The following PTPRG variants were observed in gnomAD, a reference collection of about 807,000 sequenced individuals.
PTPRG encodes the protein receptor-type tyrosine-protein phosphatase gamma.
PTPRG carries 102 observed loss-of-function variants against 165.3 expected under a neutral mutation model. The ratio of observed to expected loss-of-function variants is 0.62; its 90% CI spans 0.53 to 0.73. The LOEUF is 0.73. PTPRG is among the 30% of genes least tolerant of loss of function. The probability of loss-of-function intolerance (pLI) is 0.00; values close to 1 mark genes in which losing one functional copy is unlikely to be tolerated. For synonymous variants in PTPRG, 675 were observed against 669.5 expected, an observed-to-expected ratio of 1.01 and a Z score of -0.13; for missense variants, 1,866 against 1,861.4, an observed-to-expected ratio of 1.00 and a Z score of -0.05.
intron 10 of PTPRG, among the ~76,000 whole-genome samples, chr3:62,198,397 CAA>C (rs1259786545): frequency 6.6e-6 from 1 of 152,100 alleles, no homozygotes; most frequent in Non-Finnish European, 1.5e-5. Context: ...TGGCCCACCC[CAA>C]AGAGTAAAAA....
chr3:61,566,035 T>G (rs530630995), intron 1 of PTPRG, among the ~76,000 whole-genome samples: 1 of 152,130 alleles, frequency 6.6e-6, no homozygotes, highest in African/African-American at 2.4e-5. Flanking sequence ...TGGAATAAAA[T>G]CTTTGATGTT....
intron 2 of PTPRG, among the ~76,000 whole-genome samples, chr3:61,823,185 G>A (rs1345702647): frequency 6.6e-6 from 1 of 152,090 alleles, no homozygotes; most frequent in Non-Finnish European, 1.5e-5. Flanking sequence ...CAGTTGCACA[G>A]GTTTGTTTGT....
At chr3:62,143,871 T>C (rs1397359740) in intron 6 of PTPRG, among the ~76,000 whole-genome samples, 1 of 152,126 alleles carries the variant, frequency 6.6e-6, no homozygotes, top group East Asian at 1.9e-4. Context: ...CTTTCTGCCT[T>C]GTAAAATTAG....
intron 4 of PTPRG, among the ~76,000 whole-genome samples, chr3:62,009,005 A>G (rs1376613563): frequency 6.6e-6 from 1 of 152,222 alleles, no homozygotes; most frequent in Admixed American, 6.5e-5. Context: ...AAATTCATTA[A>G]TATTCCTATA....
intron 8 of PTPRG, among the ~76,000 whole-genome samples, chr3:62,191,117 A>G (rs1019981633): frequency 1.3e-5 from 2 of 150,440 alleles, no homozygotes; most frequent in Admixed American, 1.3e-4. Flanking sequence ...TGCCCCATGC[A>G]CATGTGTGCG....
At chr3:62,267,860 A>G (rs997083456) in intron 19 of PTPRG, 41 bp downstream of exon 19, 1 of 1,597,666 alleles carries the variant, frequency 6.3e-7, no homozygotes, top group African/African-American at 1.3e-5. Context: ...ATGCACCTTC[A>G]TTCAAAAGAT....
intron 1 of PTPRG, among the ~76,000 whole-genome samples, chr3:61,718,970 T>A (rs2031935944): frequency 6.6e-6 from 1 of 152,170 alleles, no homozygotes; most frequent in Non-Finnish European, 1.5e-5. Context: ...TTTGTTGACT[T>A]AATGGATTGT....
chr3:61,892,569 C>G (rs938913380), intron 2 of PTPRG, among the ~76,000 whole-genome samples: 1 of 152,110 alleles, frequency 6.6e-6, no homozygotes, highest in Non-Finnish European at 1.5e-5. Context: ...GTAATTCCAG[C>G]ACTTTGGGAG....
At chr3:62,025,131 C>T (rs985879891) in intron 4 of PTPRG, among the ~76,000 whole-genome samples, 10 of 152,086 alleles carry the variant, frequency 6.6e-5, no homozygotes, top group African/African-American at 2.4e-4. Flanking sequence ...GACACTGCAA[C>T]AGGGAGTGGG....
At chr3:61,622,751 A>G (rs7638359) in intron 1 of PTPRG, among the ~76,000 whole-genome samples, 40,656 of 152,020 alleles carry the variant, frequency 0.27, 5,509 homozygotes, top group Admixed American at 0.32. Flanking sequence ...GACAAGATGT[A>G]TAAATTGTGT....
intron 4 of PTPRG, among the ~76,000 whole-genome samples, chr3:62,072,631 G>GTC (rs59409394): frequency 0.13 from 19,396 of 151,418 alleles, 1,331 homozygotes; most frequent in East Asian, 0.27. Context: ...GTGTGTGTGT[G>GTC]TGTGTGTGTG....
chr3:62,064,787 T>C (rs1700953549), intron 4 of PTPRG, among the ~76,000 whole-genome samples: 1 of 138,622 alleles, frequency 7.2e-6, no homozygotes, highest in Non-Finnish European at 1.5e-5. Context: ...GCCTGGAGTA[T>C]AATGGTGCAA....
chr3:62,182,043 G>A (rs181956617), intron 8 of PTPRG, among the ~76,000 whole-genome samples: 85 of 152,238 alleles, frequency 5.6e-4, no homozygotes, highest in Non-Finnish European at 5.7e-4. Context: ...TCACAATAAA[G>A]TACTCTAGAG....
intron 2 of PTPRG, among the ~76,000 whole-genome samples, chr3:61,875,061 G>A (rs1461789937): frequency 6.6e-5 from 10 of 152,146 alleles, no homozygotes; most frequent in African/African-American, 1.2e-4. Flanking sequence ...TTCCTCTGCC[G>A]CGAGCTCTTA....
At chr3:62,077,286 A>C (rs1466534339) in intron 4 of PTPRG, among the ~76,000 whole-genome samples, 4 of 151,604 alleles carry the variant, frequency 2.6e-5, no homozygotes, top group Non-Finnish European at 5.9e-5. Context: ...TTAAAAAAAA[A>C]AAAAACAAAC....
At chr3:61,621,051 A>ATATATATATATATGTGTGTGTG in intron 1 of PTPRG, among the ~76,000 whole-genome samples, 35 of 117,968 alleles carry the variant, frequency 3.0e-4, no homozygotes, top group South Asian at 8.8e-4. Flanking sequence ...ATATATATAT[A>ATATATATATATATGTGTGTGTG]TGTGTGTGTG....
intron 2 of PTPRG, among the ~76,000 whole-genome samples, chr3:61,874,326 AAT>A (rs986220727): frequency 1.3e-5 from 2 of 152,194 alleles, no homozygotes; most frequent in Admixed American, 1.3e-4. Flanking sequence ...CGTCTTACCA[AAT>A]ATGTTTATCC....
At chr3:62,096,110 C>T (rs558365720) in intron 5 of PTPRG, among the ~76,000 whole-genome samples, 35 of 151,976 alleles carry the variant, frequency 2.3e-4, no homozygotes, top group Non-Finnish European at 3.7e-4. Flanking sequence ...GACACATGGG[C>T]ACCCCTTTGG....
At chr3:61,706,942 T>G (rs1402001604) in intron 1 of PTPRG, among the ~76,000 whole-genome samples, 1 of 152,242 alleles carries the variant, frequency 6.6e-6, no homozygotes, top group Non-Finnish European at 1.5e-5. Flanking sequence ...ATACATTTAC[T>G]GTGCATTTAC....
Sources: gnomAD v4.1 joint callset for allele counts (sites outside exome capture counted in the v4.1 genomes callset) on GRCh38, gnomAD v4.1.1 for gene constraint, MANE v1.5 for transcripts, NCBI Gene and HGNC (gene_info 2026-07-23, HGNC 2026-07-21) for gene names.